SOX5: variants seen among roughly 807,000 people sequenced by gnomAD.
SOX5 encodes transcription factor SOX-5.
SOX5 carries 9 observed loss-of-function variants against 92.0 expected under a neutral mutation model. The ratio of observed to expected loss-of-function variants is 0.10; its 90% CI spans 0.06 to 0.17. The LOEUF (loss-of-function observed/expected upper bound fraction) is 0.17. Among genes scored for constraint, SOX5 ranks in the 10% least tolerant of loss-of-function variants. The pLI, the probability that SOX5 is intolerant of heterozygous loss-of-function variation, is 1.00. For missense variants in SOX5, 642 were observed against 944.5 expected, an observed-to-expected ratio of 0.68 and a Z score of 4.20; for synonymous variants, 344 against 336.3, an observed-to-expected ratio of 1.02 and a Z score of -0.25.
At position 23,676,241 on chromosome 12, in the gene SOX5, T is replaced by C. The variant is rs535533967; in HGVS notation, c.811-10677A>G. ...TGCTCTTAATACAAAAAAAAGTAATTATGTGAGGTGATGGACATGTTAATT... is the reference window on the plus strand; with the variant it reads ...TGCTCTTAATACAAAAAAAAGTAATCATGTGAGGTGATGGACATGTTAATT... On this transcript the variant is annotated intron_variant, in intron 6 of 14. Coordinates refer to ENST00000451604, the MANE Select transcript of SOX5 (RefSeq NM_006940.6). 3.3e-5 allele frequency among the ~76,000 whole-genome samples: 5 copies of C among 152,236 alleles called. No individual in the cohort carries two copies. In the South Asian group the frequency reaches 8.3e-4, roughly 25 times the overall value.
rs1555253835 is a variant in SOX5 at position 24,364,541 on chromosome 12, T to TAC, written c.-174+4021_-174+4022insGT. On this transcript the variant is annotated intron_variant, in intron 2 of 4. Transcript: ENST00000446891. ...ATATATATATATATATATATATATA[T>TAC]ATACACGAATAAATTTGTTCTTTAT... 4.4e-4 allele frequency among the ~76,000 whole-genome samples: 62 copies of TAC among 140,398 alleles called. 1 individual carries two copies. The South Asian group carries it at 7.9e-3, about 18-fold the overall frequency. The allele number at this position is 140,398 out of a possible 152,430, so 92.1% of individuals were successfully genotyped here. A position where few individuals can be genotyped will look rare whatever the true frequency, so the allele number is the denominator to read the frequency against.
chr12:23,707,906 A>T (rs1484392974), intron 6 of SOX5, among the ~76,000 whole-genome samples: 2 of 152,142 alleles, frequency 1.3e-5, no homozygotes, highest in East Asian at 3.8e-4. Flanking sequence ...TCTCTATATT[A>T]ACCTTTTCTA....
At chr12:24,064,448 A>G (rs1434933686) in intron 4 of SOX5, among the ~76,000 whole-genome samples, 2 of 152,244 alleles carry the variant, frequency 1.3e-5, no homozygotes, top group Non-Finnish European at 2.9e-5. Context: ...TAAGTTACAT[A>G]TATGTAACTC....
intron 4 of SOX5, among the ~76,000 whole-genome samples, chr12:24,038,971 T>C (rs16927043): frequency 0.035 from 5,273 of 152,258 alleles, 316 homozygotes; most frequent in African/African-American, 0.12. Flanking sequence ...TTAAAACCAG[T>C]ATATTCACTA....
intron 1 of SOX5, among the ~76,000 whole-genome samples, chr12:24,521,596 T>C (rs951344043): frequency 1.3e-5 from 2 of 152,164 alleles, no homozygotes; most frequent in African/African-American, 4.8e-5. Flanking sequence ...AAAATCAAAG[T>C]CATTCAAAAT....
At chr12:24,180,005 T>C (rs1031578880) in intron 4 of SOX5, among the ~76,000 whole-genome samples, 2 of 151,044 alleles carry the variant, frequency 1.3e-5, no homozygotes, top group Non-Finnish European at 2.9e-5. Flanking sequence ...TATGCAGTGG[T>C]AGTATCATCG....
At chr12:24,505,582 C>T (rs185248575) in intron 1 of SOX5, among the ~76,000 whole-genome samples, 98 of 152,278 alleles carry the variant, frequency 6.4e-4, no homozygotes, top group African/African-American at 2.3e-3. Flanking sequence ...GCTCTGATAA[C>T]AAGAAACTAT....
chr12:23,635,984 A>G (rs1159838235), intron 8 of SOX5, among the ~76,000 whole-genome samples: 1 of 152,186 alleles, frequency 6.6e-6, no homozygotes, highest in Non-Finnish European at 1.5e-5. Context: ...GTCATTCACT[A>G]AGACCAAAGA....
chr12:23,948,994 G>A (rs537274051), intron 1 of SOX5, among the ~76,000 whole-genome samples: 22 of 152,232 alleles, frequency 1.4e-4, no homozygotes, highest in African/African-American at 5.3e-4. Context: ...CACTTAGGGA[G>A]TAATCTAATA....
chr12:24,016,683 A>G (rs1308814021), intron 4 of SOX5, among the ~76,000 whole-genome samples: 1 of 152,208 alleles, frequency 6.6e-6, no homozygotes, highest in African/African-American at 2.4e-5. Context: ...AACCCCAAAG[A>G]GTTTGGCGTC....
chr12:24,512,086 G>C (rs1406458101), intron 1 of SOX5, among the ~76,000 whole-genome samples: 1 of 152,058 alleles, frequency 6.6e-6, no homozygotes, highest in Non-Finnish European at 1.5e-5. Context: ...TCCAATCACG[G>C]GGAATATAAA....
At chr12:23,961,594 C>G (rs920377446) in intron 4 of SOX5, among the ~76,000 whole-genome samples, 3 of 152,132 alleles carry the variant, frequency 2.0e-5, no homozygotes, top group African/African-American at 7.2e-5. Context: ...AGGTATCACC[C>G]CCTATTGGAA....
At chr12:24,139,951 AAC>A (rs1401261616) in intron 4 of SOX5, among the ~76,000 whole-genome samples, 2 of 152,178 alleles carry the variant, frequency 1.3e-5, no homozygotes, top group African/African-American at 4.8e-5. Flanking sequence ...CTGCAAAGGA[AAC>A]ACAGAGTCTT....
At chr12:24,408,253 T>C (rs1963394187) in intron 1 of SOX5, among the ~76,000 whole-genome samples, 2 of 152,206 alleles carry the variant, frequency 1.3e-5, no homozygotes, top group African/African-American at 4.8e-5. Context: ...TAGAACACTT[T>C]ACAGAAAATG....
At chr12:23,587,415 A>G (rs544406949) in intron 9 of SOX5, among the ~76,000 whole-genome samples, 1 of 152,268 alleles carries the variant, frequency 6.6e-6, no homozygotes, top group Non-Finnish European at 1.5e-5. Context: ...AGCTTAGGCA[A>G]CTTTTCAAAG....
chr12:24,059,686 A>G (rs1225233653), intron 4 of SOX5, among the ~76,000 whole-genome samples: 1 of 152,168 alleles, frequency 6.6e-6, no homozygotes, highest in East Asian at 1.9e-4. Flanking sequence ...TCCAAGTTTG[A>G]GAGTCTACAA....
chr12:24,223,012 C>G (rs1437490861), intron 3 of SOX5, among the ~76,000 whole-genome samples: 2 of 152,200 alleles, frequency 1.3e-5, no homozygotes, highest in East Asian at 3.8e-4. Context: ...ACTGCAGAGT[C>G]AACTGGTCAA....
At chr12:23,916,041 A>C (rs958741962) in intron 1 of SOX5, among the ~76,000 whole-genome samples, 2 of 152,178 alleles carry the variant, frequency 1.3e-5, no homozygotes, top group Non-Finnish European at 2.9e-5. Context: ...GGTTAAACCC[A>C]AAAAGGATGA....
At position 23,719,807 on chromosome 12, in the gene SOX5, A is replaced by AAAC. The variant is rs754288622; in HGVS notation, c.810+14876_810+14877insGTT. On this transcript the variant is annotated intron_variant, in intron 6 of 14. Transcript: ENST00000451604. ...ATTTACCAAAAAAAAAAAAAAAAAA[A>AAAC]AAAACTGATGGATAGTTATTTCTGC... Among the ~76,000 whole-genome samples, 107 of 140,740 alleles carry AAAC rather than the reference A, an allele frequency of 7.6e-4. 1 individual carries two copies. The highest frequency in any genetic ancestry group is 3.7e-3 in the East Asian group (17 of 4,576). 92.3% of individuals were successfully genotyped at this position (140,740 alleles called of 152,430 possible). A position where few individuals can be genotyped will look rare whatever the true frequency, so the allele number is the denominator to read the frequency against.
Sources: gnomAD v4.1 joint callset for allele counts (sites outside exome capture counted in the v4.1 genomes callset) on GRCh38, gnomAD v4.1.1 for gene constraint, MANE v1.5 for transcripts, NCBI Gene and HGNC (gene_info 2026-07-23, HGNC 2026-07-21) for gene names.